The following KMT2C variants were observed in gnomAD, a reference collection of about 807,000 sequenced individuals.
KMT2C encodes the protein lysine methyltransferase 2C, also known as histone-lysine N-methyltransferase 2C.
Under a neutral mutation model 507.9 loss-of-function variants are expected in KMT2C, and 88 were observed. The observed-to-expected ratio is 0.17, with a 90% CI of 0.15 to 0.21. The LOEUF (loss-of-function observed/expected upper bound fraction) is 0.21, where lower values mean the gene tolerates loss of function less well. KMT2C is among the 10% of genes least tolerant of loss of function. The pLI is 1.00. For synonymous variants in KMT2C, 2,049 were observed against 2,080.8 expected (o/e 0.98, Z 0.42); for missense variants, 4,954 against 5,957.8 (o/e 0.83, Z 5.55).
intron 1 of KMT2C, among the ~76,000 whole-genome samples, chr7:152,403,715 TACACACACAC>T (rs36191060): frequency 1.4e-4 from 21 of 145,436 alleles, no homozygotes; most frequent in African/African-American, 4.6e-4. Flanking sequence ...CTGGGACACA[TACACACACAC>T]ACACACACAC....
Position 152,297,036 on chromosome 7 carries a change from A to AGAAG in KMT2C, c.849+12929_849+12930insCTTC. The stretch of plus-strand genomic sequence containing the variant: ...AAGAAAGAAAGAAAGAAAGAAAGAA[A>AGAAG]GAAAGAAAGAAAGAAAGACAGAGAG... On this transcript the variant is annotated intron_variant, in intron 6 of 58. Transcript: ENST00000262189. Among the ~76,000 whole-genome samples the AGAAG allele has an allele frequency of 3.9e-5, 4 of 101,840 alleles. No homozygotes were observed. The South Asian group carries it at 1.4e-3, about 35-fold the overall frequency. The allele number at this position is 101,840 out of a possible 152,430, so 66.8% of individuals were successfully genotyped here. A position where few individuals can be genotyped will look rare whatever the true frequency, so the allele number is the denominator to read the frequency against.
At position 152,252,710 on chromosome 7, in the gene KMT2C, G is replaced by A. The variant is rs1372280709; in HGVS notation, c.1305C>T (p.Cys435=). The change falls in exon 10 of 59, where the codon TGC becomes TGT. Residue 435 remains cysteine, a synonymous_variant. Coordinates refer to ENST00000262189, the MANE Select transcript of KMT2C (RefSeq NM_170606.3). Reference sequence around the variant, plus strand: ...GTGTGCCACACTCTATACATATTCTGCAATTCTAAACACCAGGAAAAATAA... The same window carrying A: ...GTGTGCCACACTCTATACATATTCTACAATTCTAAACACCAGGAAAAATAA... ...VPTNGWKCKN[C]RICIECGTRS... 1.4e-5 allele frequency: 23 copies of A among 1,589,016 alleles called. No homozygotes were observed. The highest frequency in any genetic ancestry group is 2.0e-5 in the Non-Finnish European group (23 of 1,163,110).
chr7:152,275,774 ACAAT>A (rs1366952016), intron 6 of KMT2C, among the ~76,000 whole-genome samples: 3 of 152,236 alleles, frequency 2.0e-5, no homozygotes, highest in Non-Finnish European at 4.4e-5. Context: ...AAGGAAAAGT[ACAAT>A]CAATCTGTTG....
At chr7:152,354,522 G>A (rs538866149) in intron 2 of KMT2C, among the ~76,000 whole-genome samples, 41 of 152,284 alleles carry the variant, frequency 2.7e-4, no homozygotes, top group African/African-American at 7.5e-4. Flanking sequence ...TATCTGTTAC[G>A]TACTAGGAGA....
chr7:152,229,071 T>C (rs1357785215), intron 18 of KMT2C, among the ~76,000 whole-genome samples: 1 of 152,196 alleles, frequency 6.6e-6, no homozygotes, highest in African/African-American at 2.4e-5. Context: ...CTGACAATGA[T>C]ATAATACAGT....
intron 1 of KMT2C, among the ~76,000 whole-genome samples, chr7:152,407,624 A>G (rs1251133216): frequency 1.4e-4 from 21 of 148,310 alleles, no homozygotes; most frequent in African/African-American, 5.4e-4. Flanking sequence ...GTAAGCCAAC[A>G]TCGCACCACT....
At chr7:152,377,779 A>C (rs2097340890) in intron 1 of KMT2C, among the ~76,000 whole-genome samples, 6 of 151,896 alleles carry the variant, frequency 4.0e-5, no homozygotes, top group Non-Finnish European at 8.8e-5. Flanking sequence ...AGATTTGGGC[A>C]AAGTAAACTG....
intron 28 of KMT2C, among the ~76,000 whole-genome samples, chr7:152,194,965 A>G (rs1394758364): frequency 6.6e-6 from 1 of 152,202 alleles, no homozygotes; most frequent in East Asian, 1.9e-4. Context: ...CAGTATGTAA[A>G]AAGGAATATG....
At chr7:152,161,608 A>AT (rs2092459016) in intron 43 of KMT2C, among the ~76,000 whole-genome samples, 1 of 152,248 alleles carries the variant, frequency 6.6e-6, no homozygotes, top group African/African-American at 2.4e-5. Flanking sequence ...CTGATAGAAA[A>AT]TTGATACATG....
intron 18 of KMT2C, among the ~76,000 whole-genome samples, chr7:152,225,618 G>C (rs1348766506): frequency 6.6e-6 from 1 of 152,160 alleles, no homozygotes; most frequent in Non-Finnish European, 1.5e-5. Context: ...ATGCGGAACA[G>C]AATGAGGATG....
chr7:152,422,349 G>A (rs1443365985), intron 1 of KMT2C, among the ~76,000 whole-genome samples: 1 of 151,890 alleles, frequency 6.6e-6, no homozygotes, highest in Admixed American at 6.6e-5. Context: ...CAGCTACTAG[G>A]GAGGCTGAGG....
At chr7:152,186,385 A>G (rs545933267) in intron 33 of KMT2C, among the ~76,000 whole-genome samples, 59 of 152,372 alleles carry the variant, frequency 3.9e-4, no homozygotes, top group South Asian at 8.3e-4. Flanking sequence ...GTACGTTCAT[A>G]AACAGCAAAT....
intron 3 of KMT2C, among the ~76,000 whole-genome samples, chr7:152,319,404 G>A (rs2096750975): frequency 6.6e-6 from 1 of 152,170 alleles, no homozygotes; most frequent in African/African-American, 2.4e-5. Context: ...GAAGTGACCA[G>A]AAGACAAGAG....
At chr7:152,362,015 G>T (rs570718390) in intron 1 of KMT2C, among the ~76,000 whole-genome samples, 1 of 152,050 alleles carries the variant, frequency 6.6e-6, no homozygotes, top group East Asian at 1.9e-4. Flanking sequence ...AAACACAGTG[G>T]ATACAGAAAT....
intron 1 of KMT2C, among the ~76,000 whole-genome samples, chr7:152,409,819 T>C (rs2097662940): frequency 1.3e-5 from 2 of 152,192 alleles, no homozygotes; most frequent in Non-Finnish European, 2.9e-5. Flanking sequence ...TTTTAAATCA[T>C]CATGGAATTA....
At chr7:152,208,270 T>G (rs574249551) in intron 23 of KMT2C, among the ~76,000 whole-genome samples, 2 of 152,236 alleles carry the variant, frequency 1.3e-5, no homozygotes, top group African/African-American at 4.8e-5. Flanking sequence ...ACTCAGTTCT[T>G]TGAATGTATC....
At chr7:152,375,394 T>C (rs75413055) in intron 1 of KMT2C, among the ~76,000 whole-genome samples, 20 of 149,966 alleles carry the variant, frequency 1.3e-4, no homozygotes, top group Non-Finnish European at 2.2e-4. Flanking sequence ...GAACAAGTCT[T>C]TTTTTTTTTG....
rs146495785 is a variant in KMT2C at position 152,183,041 on chromosome 7, G to A, written c.5198C>T (p.Ser1733Leu). The A allele has an allele frequency of 3.7e-5, 59 of 1,611,316 alleles. No homozygotes were observed. Among genetic ancestry groups the A allele is most frequent in the Admixed American group, 2.7e-4 (16 of 59,602 alleles). The change falls in exon 35 of 59, where the codon TCG (serine) becomes TTG (leucine). Residue 1733 changes from serine to leucine, a missense_variant. By Grantham distance (145) the Ser-to-Leu change is moderately radical. This residue lies in a region of KMT2C where 58 missense variants were observed against 63.3 expected (regional missense o/e 0.92). Transcript: ENST00000262189. ...DSIDPSSRID[S>L]ELFKDPLKQR... ...CTTTAAAGGATCTTTAAAAAGCTCC[G>A]AATCAATACGAGAGCTGGGATCAAT... is the stretch of plus-strand genomic sequence containing the variant.
chr7:152,390,713 A>G (rs1351846110), intron 1 of KMT2C, among the ~76,000 whole-genome samples: 1 of 152,172 alleles, frequency 6.6e-6, no homozygotes, highest in Admixed American at 6.5e-5. Context: ...ACCCAAGTTC[A>G]TGTCTTAAAT....
Sources: gnomAD v4.1 joint callset for allele counts (sites outside exome capture counted in the v4.1 genomes callset) on GRCh38, gnomAD v4.1.1 for gene constraint, gnomAD v4.1.1 regional missense constraint, MANE v1.5 for transcripts, NCBI Gene and HGNC (gene_info 2026-07-23, HGNC 2026-07-21) for gene names.